Variants in ST6GALNAC5 observed in about 807,000 individuals in gnomAD.
The protein encoded by ST6GALNAC5 is alpha-N-acetylgalactosaminide alpha-2,6-sialyltransferase 5.
Under a neutral mutation model 33.6 loss-of-function variants are expected in ST6GALNAC5, and 27 were observed. The ratio of observed to expected loss-of-function variants is 0.80; its 90% confidence interval spans 0.59 to 1.11. The LOEUF (loss-of-function observed/expected upper bound fraction) is 1.11. Ranked by LOEUF, ST6GALNAC5 falls within the 50% of genes least tolerant of loss-of-function variation. ST6GALNAC5 has a pLI of 0.00. For synonymous variants in ST6GALNAC5, 194 were observed against 171.2 expected (o/e 1.13, Z -1.04); for missense variants, 428 against 454.0 (o/e 0.94, Z 0.52).
intron 2 of ST6GALNAC5, among the ~76,000 whole-genome samples, chr1:76,983,049 G>A (rs1649322822): frequency 6.6e-6 from 1 of 151,824 alleles, no homozygotes; most frequent in Non-Finnish European, 1.5e-5. Flanking sequence ...ACCAGCCACT[G>A]CAAAAATATG....
Position 76,868,168 on chromosome 1 carries a change from C to A in ST6GALNAC5, c.16-329C>A, listed in dbSNP as rs976247381. Among the ~76,000 whole-genome samples the A allele has an allele frequency of 6.6e-6, 1 of 152,158 alleles. No individual in the cohort carries two copies. The highest frequency in any genetic ancestry group is 2.4e-5 in the African/African-American group (1 of 41,452). ...TCCAGCAGCTTGGCTGGGGTGGCTGCGCCAGACGGGCCCTTCCCCAAAGTG... is the reference window on the plus strand; with the variant it reads ...TCCAGCAGCTTGGCTGGGGTGGCTGAGCCAGACGGGCCCTTCCCCAAAGTG... On this transcript the variant is annotated intron_variant, in intron 1 of 4. Transcript: ENST00000477717. The surrounding 1 kb of genome is among the most constrained non-coding windows in gnomAD (Gnocchi z 4.3).
intron 2 of ST6GALNAC5, among the ~76,000 whole-genome samples, chr1:76,975,269 T>C (rs1246490081): frequency 6.6e-6 from 1 of 152,214 alleles, no homozygotes; most frequent in Admixed American, 6.5e-5. Context: ...GATTATTTTC[T>C]TGAGTGTTTA....
chr1:77,038,543 T>C (rs568736357), intron 2 of ST6GALNAC5, among the ~76,000 whole-genome samples: 1 of 152,336 alleles, frequency 6.6e-6, no homozygotes, highest in East Asian at 1.9e-4. Context: ...CTGCCAAATA[T>C]ATCAGAATTT....
intron 2 of ST6GALNAC5, among the ~76,000 whole-genome samples, chr1:76,996,039 G>C (rs1649926001): frequency 6.6e-6 from 1 of 152,154 alleles, no homozygotes; most frequent in Non-Finnish European, 1.5e-5. Flanking sequence ...AATTTACAAA[G>C]AACTTTCACA....
chr1:76,962,712 T>G (rs1648288325), intron 2 of ST6GALNAC5, among the ~76,000 whole-genome samples: 1 of 152,210 alleles, frequency 6.6e-6, no homozygotes, highest in Non-Finnish European at 1.5e-5. Context: ...AAAAGTATTT[T>G]TAGAAGGAAT....
At chr1:76,902,196 C>T (rs1302213302) in intron 2 of ST6GALNAC5, among the ~76,000 whole-genome samples, 2 of 151,958 alleles carry the variant, frequency 1.3e-5, no homozygotes, top group Non-Finnish European at 2.9e-5. Flanking sequence ...AAGATCAATA[C>T]ACAAAAATTA....
intron 2 of ST6GALNAC5, among the ~76,000 whole-genome samples, chr1:76,971,367 G>A (rs900117128): frequency 1.3e-5 from 2 of 152,118 alleles, no homozygotes; most frequent in Non-Finnish European, 2.9e-5. Flanking sequence ...GGCCCAGAGC[G>A]AGGAGAGTAG....
rs1220596820 is a variant in ST6GALNAC5 at position 77,000,078 on chromosome 1, A to G, written c.262-44126A>G. 8.2e-5 allele frequency among the ~76,000 whole-genome samples: 7 copies of G among 85,202 alleles called. 1 individual carries two copies. The highest frequency in any genetic ancestry group is 2.0e-4 in the Non-Finnish European group (7 of 34,988). 55.9% of individuals were successfully genotyped at this position (85,202 alleles called of 152,430 possible). On this transcript the variant is annotated intron_variant, in intron 2 of 4. Transcript: ENST00000477717. ...GAGGAATCGCCACACTGACTTCCAC[A>G]ATGGTTGAACTAGTTTACAGTCCCA... is the stretch of plus-strand genomic sequence containing the variant.
At chr1:76,969,799 G>T (rs1648665478) in intron 2 of ST6GALNAC5, among the ~76,000 whole-genome samples, 1 of 152,100 alleles carries the variant, frequency 6.6e-6, no homozygotes, top group Non-Finnish European at 1.5e-5. Context: ...CCTCATACAG[G>T]CAGGTGCCCC....
At chr1:76,945,123 T>G (rs1185594408) in intron 2 of ST6GALNAC5, among the ~76,000 whole-genome samples, 2 of 152,044 alleles carry the variant, frequency 1.3e-5, no homozygotes, top group African/African-American at 2.4e-5. Context: ...CCCTCCATAT[T>G]GACCTGAGCC....
intron 4 of ST6GALNAC5, among the ~76,000 whole-genome samples, chr1:77,056,476 T>C (rs141863234): frequency 4.9e-4 from 74 of 152,264 alleles, no homozygotes; most frequent in African/African-American, 1.7e-3. Flanking sequence ...TGATTCAGAG[T>C]GATCACTGTC....
chr1:76,896,286 T>G (rs536042197), intron 2 of ST6GALNAC5, among the ~76,000 whole-genome samples: 3 of 152,300 alleles, frequency 2.0e-5, no homozygotes, highest in Admixed American at 6.5e-5. Flanking sequence ...TGGGGAATGT[T>G]GAGTAAAGCT....
Position 77,050,351 on chromosome 1 carries a change from C to T in ST6GALNAC5, c.765C>T (p.Pro255=). ...GGATCAATGTTTATGGCATGGTGCCCCCAGACTTCTGCAGGTAGGATTTAT... is the reference window on the plus strand; with the variant it reads ...GGATCAATGTTTATGGCATGGTGCCTCCAGACTTCTGCAGGTAGGATTTAT... The part of the protein sequence containing the change: ...CDRINVYGMV[P]PDFCRDPNHP... Residue 255 remains proline, a synonymous_variant, in exon 4 of 5, where the codon CCC becomes CCT. Transcript: ENST00000477717. 6.2e-7 allele frequency: 1 copy of T among 1,613,918 alleles called. No individual in the cohort carries two copies. The highest frequency in any genetic ancestry group is 1.1e-5 in the South Asian group (1 of 91,068).
chr1:77,055,346 T>C (rs1652356170), intron 4 of ST6GALNAC5, among the ~76,000 whole-genome samples: 1 of 152,240 alleles, frequency 6.6e-6, no homozygotes, highest in South Asian at 2.1e-4. Flanking sequence ...GCCCATCCCC[T>C]ACTTCCTTAA....
chr1:77,011,404 C>G (rs953177972), intron 2 of ST6GALNAC5, among the ~76,000 whole-genome samples: 1 of 152,174 alleles, frequency 6.6e-6, no homozygotes, highest in African/African-American at 2.4e-5. Context: ...TCATTTGCTG[C>G]TAGGGGACAG....
chr1:76,884,871 T>TGAC (rs1653858224), intron 2 of ST6GALNAC5, among the ~76,000 whole-genome samples: 1 of 152,184 alleles, frequency 6.6e-6, no homozygotes, highest in Admixed American at 6.5e-5. Context: ...TGACTAGGAC[T>TGAC]TATGACAACT....
At chr1:76,987,143 T>C (rs909957666) in intron 2 of ST6GALNAC5, among the ~76,000 whole-genome samples, 1 of 152,148 alleles carries the variant, frequency 6.6e-6, no homozygotes, top group Non-Finnish European at 1.5e-5. Context: ...CTTGTGCACA[T>C]GTACCCTAGA....
intron 2 of ST6GALNAC5, among the ~76,000 whole-genome samples, chr1:76,880,016 C>A (rs1317392441): frequency 1.3e-5 from 2 of 152,146 alleles, no homozygotes; most frequent in African/African-American, 4.8e-5. Flanking sequence ...TCACTCAGGG[C>A]AGTCTTATCA....
At chr1:77,053,754 A>G (rs1177533825) in intron 4 of ST6GALNAC5, among the ~76,000 whole-genome samples, 3 of 152,218 alleles carry the variant, frequency 2.0e-5, no homozygotes, top group African/African-American at 7.2e-5. Context: ...TGTTCAGTAC[A>G]CAGAAAGTTA....
Sources: allele counts gnomAD v4.1 joint callset (sites outside exome capture counted in the v4.1 genomes callset), GRCh38; gene constraint gnomAD v4.1.1; non-coding constraint Gnocchi (gnomAD v3.1); transcripts MANE v1.5; gene names NCBI Gene and HGNC (gene_info 2026-07-23, HGNC 2026-07-21).